Variants in ROR2 observed in about 807,000 individuals in gnomAD.
ROR2 encodes the protein ROR family WNT receptor 2, also known as tyrosine-protein kinase transmembrane receptor ROR2.
Under a neutral mutation model 74.9 loss-of-function variants are expected in ROR2, and 33 were observed. The ratio of observed to expected loss-of-function variants is 0.44; its 90% confidence interval spans 0.33 to 0.59. The LOEUF is 0.59. Among genes scored for constraint, ROR2 ranks in the 20% least tolerant of loss-of-function variants. The probability of loss-of-function intolerance (pLI) is 0.02; values close to 1 mark genes in which losing one functional copy is unlikely to be tolerated. For missense variants in ROR2, 1,216 were observed against 1,313.8 expected (o/e 0.93, Z 1.15); for synonymous variants, 586 against 558.7 (o/e 1.05, Z -0.69).
rs140557090 is a variant in ROR2 at position 91,733,237 on chromosome 9, G to A, written c.822C>T (p.Asn274=). Residue 274 remains asparagine, a synonymous_variant, in exon 6 of 9, where the codon AAC becomes AAT. Coordinates refer to ENST00000375708, the MANE Select transcript of ROR2 (RefSeq NM_004560.4). This position sits in a 1 kb window ranked among gnomAD's most constrained non-coding sequence, Gnocchi z 5.7. ...GCTGAAGCCGCATGAGGATGAGCGG[G>A]TTGGAGCGGGCGATGGTGTACTCCT... The part of the protein sequence containing the change: ...CRQEYTIARS[N]PLILMRLQLP... 2.4e-5 allele frequency: 38 copies of A among 1,612,690 alleles called. No individual in the cohort carries two copies. Among genetic ancestry groups the A allele is most frequent in the African/African-American group, 1.2e-4 (9 of 74,934 alleles).
intron 1 of ROR2, among the ~76,000 whole-genome samples, chr9:91,796,896 A>C (rs369611585): frequency 4.4e-5 from 3 of 68,618 alleles, no homozygotes; most frequent in Admixed American, 1.8e-4. Context: ...ACACCCTGGG[A>C]TCTGTGGATG....
intron 1 of ROR2, among the ~76,000 whole-genome samples, chr9:91,926,552 A>G (rs1027816440): frequency 1.3e-5 from 2 of 151,982 alleles, no homozygotes; most frequent in Admixed American, 6.6e-5. Flanking sequence ...TCAAAAAAAA[A>G]AAAAAAAAGA....
chr9:91,804,688 C>T (rs1455347323), intron 1 of ROR2, among the ~76,000 whole-genome samples: 1 of 152,170 alleles, frequency 6.6e-6, no homozygotes, highest in Non-Finnish European at 1.5e-5. Context: ...CCCAATTCAC[C>T]AACTAGGGCC....
At position 91,757,382 on chromosome 9, in the gene ROR2, G is replaced by A. The variant is rs1825789944; in HGVS notation, c.353C>T (p.Ser118Leu). The change falls in exon 3 of 9, where the codon TCA becomes TTA. Residue 118 changes from serine (S) to leucine (L), a missense_variant. Transcript: ENST00000375708. ...RIIIRKTEYG[S>L]RLRIQDLDTT... ...GTCCAGGTCCTGGATTCGCAGTCGT[G>A]AACCATATTCTGTCTTCCGGATGAT... The A allele has an allele frequency of 6.2e-7, 1 of 1,613,804 alleles. No homozygotes were observed. Among genetic ancestry groups the A allele is most frequent in the African/African-American group, 1.3e-5 (1 of 74,844 alleles).
intron 1 of ROR2, among the ~76,000 whole-genome samples, chr9:91,924,389 A>T (rs545992037): frequency 6.6e-6 from 1 of 152,358 alleles, no homozygotes; most frequent in African/African-American, 2.4e-5. Flanking sequence ...CTTCAAGGCC[A>T]GTGGCTTCTG....
At chr9:91,747,892 AG>A (rs1395750893) in intron 4 of ROR2, among the ~76,000 whole-genome samples, 1 of 152,224 alleles carries the variant, frequency 6.6e-6, no homozygotes, top group East Asian at 1.9e-4. Context: ...GCCCTCTGCC[AG>A]AAAGCACAGT....
intron 1 of ROR2, among the ~76,000 whole-genome samples, chr9:91,792,529 C>G (rs976784744): frequency 6.6e-6 from 1 of 152,102 alleles, no homozygotes; most frequent in South Asian, 2.1e-4. Context: ...AAGATGGTCT[C>G]GATCTCCTGA....
intron 2 of ROR2, among the ~76,000 whole-genome samples, chr9:91,769,844 C>T (rs980179091): frequency 1.3e-5 from 2 of 152,186 alleles, no homozygotes; most frequent in South Asian, 2.1e-4. Flanking sequence ...TCAGAGAGCC[C>T]GGAGGGGCAG....
At chr9:91,835,564 A>G (rs1383196484) in intron 1 of ROR2, among the ~76,000 whole-genome samples, 1 of 152,170 alleles carries the variant, frequency 6.6e-6, no homozygotes, top group Admixed American at 6.5e-5. Context: ...CCCATCTCCT[A>G]TGAGTGAAAA....
At position 91,757,483 on chromosome 9, in the gene ROR2, C is replaced by T; in HGVS notation, c.252G>A (p.Lys84=). 1 of 1,613,828 alleles carries T rather than the reference C, an allele frequency of 6.2e-7. No homozygotes were observed. The highest frequency in any genetic ancestry group is 8.5e-7 in the Non-Finnish European group (1 of 1,179,984). ...CGTTAGGGGGTGGGTTTCCTGCCACCTTGCAGTGCAGAATTGCCGTCTGGC... is the reference window on the plus strand; with the variant it reads ...CGTTAGGGGGTGGGTTTCCTGCCACTTTGCAGTGCAGAATTGCCGTCTGGC... ...VQGQTAILHC[K]VAGNPPPNVR... Residue 84 remains lysine, a synonymous_variant, in exon 3 of 9, where the codon AAG becomes AAA. Coordinates refer to ENST00000375708, the MANE Select transcript of ROR2 (RefSeq NM_004560.4).
At chr9:91,898,374 C>G (rs1020955393) in intron 1 of ROR2, among the ~76,000 whole-genome samples, 1 of 152,082 alleles carries the variant, frequency 6.6e-6, no homozygotes, top group Admixed American at 6.5e-5. Context: ...CTCACAAAAC[C>G]CTGTGGGGAG....
In ROR2 at chr9:91,771,696, G is replaced by GTCTC. The variant is rs200079382; in HGVS notation, c.175+4041_175+4044dup. Among the ~76,000 whole-genome samples the GTCTC allele has an allele frequency of 1.9e-3, 285 of 149,060 alleles. 4 individuals carry two copies. The East Asian group carries it at 0.037, about 19-fold the overall frequency. ...TTTTGCTCTGAGAATCTCTCTCTCT[G>GTCTC]TCTCTCTCTCTCTCTCCTCTCTCTC... On this transcript the variant is annotated intron_variant, in intron 2 of 8. Transcript: ENST00000375708.
In ROR2 at chr9:91,725,810, C is replaced by T. The variant is rs1043549574; in HGVS notation, c.1387-703G>A. Among the ~76,000 whole-genome samples, 12 of 152,240 alleles carry T rather than the reference C, an allele frequency of 7.9e-5. No homozygotes were observed. In the East Asian group the frequency reaches 9.7e-4, roughly 12 times the overall value. ...TCCTCCCCAGAGGTTCCTGGGCCTC[C>T]GTGCAAGCCCCGGGGCTCTGTGCCC... On this transcript the variant is annotated intron_variant, in intron 8 of 8. Transcript: ENST00000375708.
chr9:91,923,795 A>C (rs987205914), intron 1 of ROR2: 1 of 152,252 alleles, frequency 6.6e-6, no homozygotes, highest in African/African-American at 2.4e-5. Flanking sequence ...TGGCATGGCT[A>C]TCCGATGAGT....
chr9:91,768,614 T>G (rs1463674707), intron 2 of ROR2, among the ~76,000 whole-genome samples: 1 of 152,176 alleles, frequency 6.6e-6, no homozygotes, highest in East Asian at 1.9e-4. Context: ...GCCACCCCGC[T>G]GGGCGCAGGT....
At chr9:91,903,019 G>A (rs1830714277) in intron 1 of ROR2, among the ~76,000 whole-genome samples, 1 of 152,158 alleles carries the variant, frequency 6.6e-6, no homozygotes, top group Non-Finnish European at 1.5e-5. Flanking sequence ...AATGAGTTCT[G>A]TGGATGGCGG....
chr9:91,838,361 G>A (rs972588687), intron 1 of ROR2, among the ~76,000 whole-genome samples: 2 of 152,156 alleles, frequency 1.3e-5, no homozygotes, highest in Non-Finnish European at 2.9e-5. Flanking sequence ...ACACAGTGTT[G>A]AGTGAAGGGC....
At chr9:91,744,213 C>CTTTTT (rs1167780367) in intron 4 of ROR2, among the ~76,000 whole-genome samples, 5,265 of 89,030 alleles carry the variant, frequency 0.059, 676 homozygotes, top group East Asian at 0.16. Flanking sequence ...AATTTGTTAA[C>CTTTTT]TTTTTTTTTT....
chr9:91,853,284 G>GA (rs1829171172), intron 1 of ROR2, among the ~76,000 whole-genome samples: 1 of 152,220 alleles, frequency 6.6e-6, no homozygotes, highest in Non-Finnish European at 1.5e-5. Context: ...GACCCAACCA[G>GA]AGTTACTGGG....
Sources: allele counts gnomAD v4.1 joint callset (sites outside exome capture counted in the v4.1 genomes callset), GRCh38; gene constraint gnomAD v4.1.1; non-coding constraint Gnocchi (gnomAD v3.1); transcripts MANE v1.5; gene names NCBI Gene and HGNC (gene_info 2026-07-23, HGNC 2026-07-21).